RBFOX1: variants seen among roughly 807,000 people sequenced by gnomAD.
The protein encoded by RBFOX1 is RNA binding protein fox-1 homolog 1.
A neutral mutation model predicts 57.7 loss-of-function variants in RBFOX1; 8 were observed. The observed-to-expected ratio is 0.14, with a 90% CI of 0.08 to 0.25. The LOEUF is 0.25. Ranked by LOEUF, RBFOX1 falls within the 10% of genes least tolerant of loss-of-function variation. RBFOX1 has a pLI of 1.00. For missense variants in RBFOX1, 611 were observed against 548.5 expected (o/e 1.11, Z -1.14); for synonymous variants, 326 against 222.4 (o/e 1.47, Z -4.15).
intron 3 of RBFOX1, among the ~76,000 whole-genome samples, chr16:5,657,455 G>T (rs1231288777): frequency 6.6e-6 from 1 of 152,120 alleles, no homozygotes; most frequent in Non-Finnish European, 1.5e-5. Flanking sequence ...CCAGTGAATG[G>T]GGTGGAATAA....
At chr16:5,622,048 A>G (rs532400614) in intron 3 of RBFOX1, among the ~76,000 whole-genome samples, 77 of 152,314 alleles carry the variant, frequency 5.1e-4, no homozygotes, top group African/African-American at 1.8e-3. Context: ...GGGTTATCTG[A>G]AACTTTGCCA....
chr16:7,508,799 A>C lies in RBFOX1; in HGVS notation c.28-9348A>C, dbSNP rs150210732. ...CCACCCTCACCTCCTCCTCTGTTATACAATTTAATTACAACTTTATTCACT... is the reference window on the plus strand; with the variant it reads ...CCACCCTCACCTCCTCCTCTGTTATCCAATTTAATTACAACTTTATTCACT... On this transcript the variant is annotated intron_variant, in intron 4 of 15. Coordinates refer to ENST00000550418, the MANE Select transcript of RBFOX1 (RefSeq NM_018723.4). Among the ~76,000 whole-genome samples, 297 of 152,254 alleles carry C rather than the reference A, an allele frequency of 2.0e-3. 1 individual carries two copies. Among genetic ancestry groups the C allele is most frequent in the South Asian group, 3.3e-3 (16 of 4,824 alleles).
chr16:6,359,787 G>T (rs1440718407), intron 2 of RBFOX1, among the ~76,000 whole-genome samples: 1 of 152,048 alleles, frequency 6.6e-6, no homozygotes, highest in Non-Finnish European at 1.5e-5. Flanking sequence ...TACTGTGTTT[G>T]CGACCTGGCA....
intron 4 of RBFOX1, among the ~76,000 whole-genome samples, chr16:5,943,786 C>A (rs562380155): frequency 6.6e-6 from 1 of 152,288 alleles, no homozygotes; most frequent in African/African-American, 2.4e-5. Flanking sequence ...CACATTCACC[C>A]ATTAATTTAT....
At chr16:6,843,948 A>G (rs534059896) in intron 3 of RBFOX1, among the ~76,000 whole-genome samples, 103 of 152,334 alleles carry the variant, frequency 6.8e-4, no homozygotes, top group African/African-American at 1.8e-3. Context: ...CATGGAAATC[A>G]CAAGGCTTGC....
chr16:6,855,295 G>C (rs1483773647), intron 3 of RBFOX1, among the ~76,000 whole-genome samples: 2 of 152,070 alleles, frequency 1.3e-5, no homozygotes, highest in African/African-American at 4.8e-5. Flanking sequence ...TAGTATACAG[G>C]TCTGAGATAG....
chr16:6,926,234 G>T (rs563073580), intron 3 of RBFOX1, among the ~76,000 whole-genome samples: 4 of 152,306 alleles, frequency 2.6e-5, no homozygotes, highest in Admixed American at 2.6e-4. Flanking sequence ...TTGAACCTGG[G>T]AGGGGGAGGT....
chr16:6,978,955 C>T (rs369545985), intron 3 of RBFOX1, among the ~76,000 whole-genome samples: 3 of 152,180 alleles, frequency 2.0e-5, no homozygotes, highest in African/African-American at 7.2e-5. Flanking sequence ...GTGGAGAGCC[C>T]CAGGCTGCCA....
intron 2 of RBFOX1, among the ~76,000 whole-genome samples, chr16:6,387,083 G>C (rs969341619): frequency 8.5e-5 from 13 of 152,232 alleles, no homozygotes; most frequent in Middle Eastern, 3.4e-3. Flanking sequence ...CTAAAGTCTT[G>C]GTAAAGTCAA....
At chr16:7,279,721 C>T (rs1213926917) in intron 4 of RBFOX1, among the ~76,000 whole-genome samples, 5 of 152,206 alleles carry the variant, frequency 3.3e-5, no homozygotes, top group Non-Finnish European at 5.9e-5. Flanking sequence ...GACGTAAGCT[C>T]GCCCTGGTGT....
intron 3 of RBFOX1, among the ~76,000 whole-genome samples, chr16:6,825,959 G>T (rs1245132097): frequency 1.3e-5 from 2 of 152,130 alleles, no homozygotes; most frequent in Non-Finnish European, 2.9e-5. Flanking sequence ...ATCCTTTAAC[G>T]ATACGAGTTT....
At chr16:6,882,975 A>G (rs2063265478) in intron 3 of RBFOX1, among the ~76,000 whole-genome samples, 1 of 152,158 alleles carries the variant, frequency 6.6e-6, no homozygotes, top group Non-Finnish European at 1.5e-5. Flanking sequence ...ATAAATTGCC[A>G]TTTCTAAAGG....
At chr16:7,159,482 A>C (rs542818089) in intron 4 of RBFOX1, among the ~76,000 whole-genome samples, 22 of 152,320 alleles carry the variant, frequency 1.4e-4, no homozygotes, top group African/African-American at 5.1e-4. Context: ...GGCTGTCACT[A>C]AGGGGACTAG....
At chr16:6,578,886 G>A (rs1054439306) in intron 2 of RBFOX1, among the ~76,000 whole-genome samples, 2 of 151,954 alleles carry the variant, frequency 1.3e-5, no homozygotes, top group African/African-American at 4.8e-5. Flanking sequence ...GGGACTTGGG[G>A]GAAAGGGTGG....
chr16:5,635,403 C>A (rs1194579363), intron 3 of RBFOX1, among the ~76,000 whole-genome samples: 1 of 152,170 alleles, frequency 6.6e-6, no homozygotes, highest in East Asian at 1.9e-4. Context: ...GTTGTGAACA[C>A]CTGGTGGCCT....
chr16:7,601,082 G>A (rs2140988156), intron 9 of RBFOX1, among the ~76,000 whole-genome samples: 1 of 152,298 alleles, frequency 6.6e-6, no homozygotes, highest in South Asian at 2.1e-4. Context: ...TGGATGCTGG[G>A]GAAGCATGGG....
At chr16:7,311,692 G>T (rs921762275) in intron 4 of RBFOX1, among the ~76,000 whole-genome samples, 1 of 152,042 alleles carries the variant, frequency 6.6e-6, no homozygotes, top group African/African-American at 2.4e-5. Context: ...GAACAGCGAG[G>T]TTTACACACT....
At chr16:5,487,749 C>A (rs1383389451) in intron 2 of RBFOX1, among the ~76,000 whole-genome samples, 1 of 152,110 alleles carries the variant, frequency 6.6e-6, no homozygotes, top group Admixed American at 6.6e-5. Context: ...CCTCTGCTTG[C>A]CCTCAGTATG....
At chr16:5,515,463 A>G (rs73512231) in intron 2 of RBFOX1, among the ~76,000 whole-genome samples, 3,857 of 152,282 alleles carry the variant, frequency 0.025, 170 homozygotes, top group African/African-American at 0.088. Context: ...GGAGCCTTCT[A>G]TCTTATTAAT....
Sources: allele counts gnomAD v4.1 joint callset (sites outside exome capture counted in the v4.1 genomes callset), GRCh38; gene constraint gnomAD v4.1.1; transcripts MANE v1.5; gene names NCBI Gene and HGNC (gene_info 2026-07-23, HGNC 2026-07-21).